The following TRPC6 variants were observed in gnomAD, a reference collection of about 807,000 sequenced individuals.
The protein encoded by TRPC6 is short transient receptor potential channel 6.
A neutral mutation model predicts 90.7 loss-of-function variants in TRPC6; 55 were observed. That is an observed-to-expected ratio of 0.61 (90% confidence interval 0.49 to 0.76). The LOEUF is 0.76. TRPC6 is among the 30% of genes least tolerant of loss of function. The pLI is 0.00. For synonymous variants in TRPC6, 393 were observed against 393.0 expected (o/e 1.00, Z 0.00); for missense variants, 989 against 1,122.7 (o/e 0.88, Z 1.70).
intron 1 of TRPC6, among the ~76,000 whole-genome samples, chr11:101,513,886 A>G (rs1860454418): frequency 6.6e-6 from 1 of 152,112 alleles, no homozygotes; most frequent in Non-Finnish European, 1.5e-5. Flanking sequence ...TCCCAGAGAT[A>G]ATGGTGCTGA....
intron 1 of TRPC6, among the ~76,000 whole-genome samples, chr11:101,582,886 G>A (rs547824239): frequency 6.6e-6 from 1 of 152,096 alleles, no homozygotes; most frequent in South Asian, 2.1e-4. Context: ...CACCCAGGCA[G>A]CTCCAACCCT....
intron 6 of TRPC6, among the ~76,000 whole-genome samples, chr11:101,475,025 A>C (rs1405159695): frequency 6.6e-6 from 1 of 152,160 alleles, no homozygotes; most frequent in Non-Finnish European, 1.5e-5. Context: ...GCCCATTGCT[A>C]TCTAGAAACT....
chr11:101,488,884 C>T, intron 4 of TRPC6, 53 bp downstream of exon 4: 1 of 1,601,970 alleles, frequency 6.2e-7, no homozygotes, highest in South Asian at 1.1e-5. Context: ...GATTTTTCCC[C>T]ACTTAAAACA....
At chr11:101,579,249 T>C (rs1009767902) in intron 1 of TRPC6, among the ~76,000 whole-genome samples, 7 of 152,196 alleles carry the variant, frequency 4.6e-5, no homozygotes, top group African/African-American at 7.2e-5. Context: ...TTTTTACTTA[T>C]AGATGTTCTA....
chr11:101,544,791 A>G (rs939672647), intron 1 of TRPC6, among the ~76,000 whole-genome samples: 33 of 152,234 alleles, frequency 2.2e-4, no homozygotes, highest in African/African-American at 7.0e-4. Context: ...TGACGGGTTG[A>G]TGGGTGCAGC....
intron 1 of TRPC6, among the ~76,000 whole-genome samples, chr11:101,532,414 T>A (rs572840764): frequency 4.5e-4 from 69 of 152,268 alleles, no homozygotes; most frequent in African/African-American, 1.3e-3. Context: ...TAACCTGAGT[T>A]TGAGATAGAT....
intron 1 of TRPC6, among the ~76,000 whole-genome samples, chr11:101,526,551 C>A (rs1024584590): frequency 6.6e-6 from 1 of 151,984 alleles, no homozygotes; most frequent in African/African-American, 2.4e-5. Context: ...ATTTTCTGAA[C>A]ATCAGAAGAT....
chr11:101,558,410 TATAC>T lies in TRPC6; in HGVS notation c.170+24920_170+24923del, dbSNP rs1320900593. On this transcript the variant is annotated intron_variant, in intron 1 of 12. Transcript: ENST00000344327. ...ACATGTATACATATACACACACACATATACACACACACATATCTACATATATACA... is the reference window on the plus strand; with the variant it reads ...ACATGTATACATATACACACACACATACACACACATATCTACATATATACA... 4.9e-4 allele frequency among the ~76,000 whole-genome samples: 10 copies of T among 20,488 alleles called. 1 individual carries two copies. Among genetic ancestry groups the T allele is most frequent in the African/African-American group, 2.5e-3 (9 of 3,592 alleles). 13.4% of individuals were successfully genotyped at this position (20,488 alleles called of 152,430 possible).
Position 101,566,399 on chromosome 11 carries a change from T to G in TRPC6, c.170+16935A>C, listed in dbSNP as rs150430464. On this transcript the variant is annotated intron_variant, in intron 1 of 12. Coordinates refer to ENST00000344327, the MANE Select transcript of TRPC6 (RefSeq NM_004621.6). The stretch of plus-strand genomic sequence containing the variant: ...AAATTCTTTCAACTTAAATAAAAAT[T>G]TATACCCCTTTCCTCTTGTTATTAA... 2.9e-3 allele frequency among the ~76,000 whole-genome samples: 443 copies of G among 152,280 alleles called. 3 individuals carry two copies. The highest frequency in any genetic ancestry group is 0.01 in the African/African-American group (425 of 41,570).
chr11:101,504,745 T>C lies in TRPC6; in HGVS notation c.224A>G (p.Lys75Arg), dbSNP rs1393863366. ...AHRRQTVLREKGRRLANRGPA... is the reference protein window; with the variant it reads ...AHRRQTVLRERGRRLANRGPA... ...TCCTCGATTAGCTAACCTTCTCCCCTTCTCACGGAGAACTGTCTGCCGCCG... is the reference window on the plus strand; with the variant it reads ...TCCTCGATTAGCTAACCTTCTCCCCCTCTCACGGAGAACTGTCTGCCGCCG... Residue 75 changes from lysine to arginine, a missense_variant, in exon 2 of 13, where the codon AAG (lysine) becomes AGG (arginine). Physicochemically the swap from Lys to Arg is conservative, Grantham distance 26. Transcript: ENST00000344327. 1 of 1,602,662 alleles carries C rather than the reference T, an allele frequency of 6.2e-7. No homozygotes were observed. The highest frequency in any genetic ancestry group is 1.7e-5 in the Admixed American group (1 of 58,634).
intron 2 of TRPC6, among the ~76,000 whole-genome samples, chr11:101,501,084 CAT>C (rs1358859840): frequency 3.0e-5 from 3 of 100,128 alleles, no homozygotes; most frequent in African/African-American, 1.4e-4. Context: ...GAGCAAAATA[CAT>C]ACATACATAC....
chr11:101,539,650 T>C (rs1786886494), intron 1 of TRPC6, among the ~76,000 whole-genome samples: 1 of 152,234 alleles, frequency 6.6e-6, no homozygotes, highest in Non-Finnish European at 1.5e-5. Context: ...TCTTTTACCA[T>C]CATCAGCATC....
At chr11:101,457,277 C>T (rs1210676582) in intron 10 of TRPC6, among the ~76,000 whole-genome samples, 1 of 152,144 alleles carries the variant, frequency 6.6e-6, no homozygotes, top group East Asian at 1.9e-4. Context: ...GAACCACTGC[C>T]TGCCCCCTTT....
At chr11:101,575,580 G>C (rs1591150534) in intron 1 of TRPC6, among the ~76,000 whole-genome samples, 1 of 152,112 alleles carries the variant, frequency 6.6e-6, no homozygotes, top group Non-Finnish European at 1.5e-5. Flanking sequence ...ACTTGGAGAA[G>C]GGCCTAGCAC....
intron 8 of TRPC6, 32 bp downstream of exon 8, chr11:101,472,105 G>C (rs1404884542): frequency 1.3e-6 from 2 of 1,599,758 alleles, no homozygotes; most frequent in Non-Finnish European, 1.7e-6. Context: ...AAACATGAAG[G>C]CACAAATTAT....
intron 1 of TRPC6, among the ~76,000 whole-genome samples, chr11:101,560,652 T>TA (rs143229500): frequency 1.8e-4 from 27 of 150,058 alleles, no homozygotes; most frequent in Admixed American, 2.7e-4. Context: ...ACAGTGTGAT[T>TA]AAAAAAAAAA....
chr11:101,549,340 A>C, intron 1 of TRPC6, among the ~76,000 whole-genome samples: 1 of 151,826 alleles, frequency 6.6e-6, no homozygotes, highest in Non-Finnish European at 1.5e-5. Context: ...ATGAAAAATA[A>C]TTATTTATAT....
chr11:101,583,274 A>C, intron 1 of TRPC6, 60 bp downstream of exon 1: 1 of 1,526,252 alleles, frequency 6.6e-7, no homozygotes, highest in Non-Finnish European at 8.8e-7. Flanking sequence ...CACTCCTGCG[A>C]GCGCACAACC....
At chr11:101,560,465 A>G (rs1236231803) in intron 1 of TRPC6, among the ~76,000 whole-genome samples, 1 of 152,144 alleles carries the variant, frequency 6.6e-6, no homozygotes, top group Non-Finnish European at 1.5e-5. Context: ...CATTTCTTGC[A>G]CTTAAGCATT....
Sources: allele counts gnomAD v4.1 joint callset (sites outside exome capture counted in the v4.1 genomes callset), GRCh38; gene constraint gnomAD v4.1.1; transcripts MANE v1.5; gene names NCBI Gene and HGNC (gene_info 2026-07-23, HGNC 2026-07-21).